The following ALDOB variants were observed in gnomAD, a reference collection of about 807,000 sequenced individuals.
ALDOB encodes the protein aldolase, fructose-bisphosphate B, also known as fructose-bisphosphate aldolase B.
Under a neutral mutation model 41.0 loss-of-function variants are expected in ALDOB, and 39 were observed. That is an observed-to-expected ratio of 0.95 (90% CI 0.74 to 1.24). ALDOB has a LOEUF of 1.24. ALDOB is among the 50% of genes most tolerant of loss of function. ALDOB has a pLI of 0.00. For missense variants in ALDOB, 530 were observed against 457.3 expected (o/e 1.16, Z -1.45); for synonymous variants, 175 against 168.8 (o/e 1.04, Z -0.28).
chr9:101,434,100 G>A (rs147167834), intron 1 of ALDOB, among the ~76,000 whole-genome samples: 11 of 152,178 alleles, frequency 7.2e-5, no homozygotes, highest in Middle Eastern at 3.4e-3. Flanking sequence ...TCTTTATCAC[G>A]CACTTTATTA....
intron 4 of ALDOB, among the ~76,000 whole-genome samples, chr9:101,428,229 T>G (rs1401218987): frequency 6.6e-6 from 1 of 152,232 alleles, no homozygotes; most frequent in Admixed American, 6.5e-5. Context: ...TTGTCTAAGT[T>G]AATCCCCACA....
chr9:101,426,795 TA>T (rs2118351792), intron 5 of ALDOB, among the ~76,000 whole-genome samples, 157 bp from the exon 6 acceptor site: 1 of 152,312 alleles, frequency 6.6e-6, no homozygotes, highest in South Asian at 2.1e-4. Context: ...CAGAATGAGA[TA>T]AAAAATAAAT....
At chr9:101,426,473 A>C in intron 6 of ALDOB, 82 bp downstream of exon 6, 1 of 876,850 alleles carries the variant, frequency 1.1e-6, no homozygotes, top group East Asian at 2.4e-5. Flanking sequence ...CAGATATAAC[A>C]GCTGTTATAT....
chr9:101,431,140 C>A (rs985117899), intron 1 of ALDOB, among the ~76,000 whole-genome samples: 7 of 152,212 alleles, frequency 4.6e-5, no homozygotes, highest in African/African-American at 1.4e-4. Context: ...TGCTTTCCAG[C>A]AGGCCTTTGG....
intron 8 of ALDOB, among the ~76,000 whole-genome samples, chr9:101,422,837 C>G (rs2118335873): frequency 6.6e-6 from 1 of 152,260 alleles, no homozygotes; most frequent in East Asian, 1.9e-4. Flanking sequence ...GATCATTATA[C>G]ATTATATGCA....
intron 8 of ALDOB, among the ~76,000 whole-genome samples, chr9:101,422,800 G>T (rs914904307): frequency 6.6e-6 from 1 of 152,158 alleles, no homozygotes; most frequent in African/African-American, 2.4e-5. Flanking sequence ...TAAATATTTG[G>T]AGTGAATACC....
At chr9:101,431,550 G>A (rs1831219896) in intron 1 of ALDOB, among the ~76,000 whole-genome samples, 1 of 152,186 alleles carries the variant, frequency 6.6e-6, no homozygotes, top group Non-Finnish European at 1.5e-5. Context: ...CACTGCCTAT[G>A]AGGATGCTAA....
At chr9:101,427,383 G>T in intron 5 of ALDOB, 99 bp downstream of exon 5, 1 of 1,451,032 alleles carries the variant, frequency 6.9e-7, no homozygotes, top group Non-Finnish European at 9.5e-7. Context: ...ACTGGTGAGG[G>T]AAAAGGAGGT....
At chr9:101,430,690 A>G in intron 2 of ALDOB, 86 bp downstream of exon 2, 1 of 1,056,652 alleles carries the variant, frequency 9.5e-7, no homozygotes, top group Admixed American at 1.9e-5. Context: ...CTTTACTTCC[A>G]TAAAGAATAT....
chr9:101,430,066 A>G, intron 2 of ALDOB, 100 bp from the exon 3 acceptor site: 1 of 1,086,856 alleles, frequency 9.2e-7, no homozygotes. Context: ...GTGGAAAGCA[A>G]GACTTTCTTT....
intron 1 of ALDOB, among the ~76,000 whole-genome samples, chr9:101,431,352 C>A (rs1216273593): frequency 6.6e-6 from 1 of 152,206 alleles, no homozygotes; most frequent in Non-Finnish European, 1.5e-5. Context: ...GTAGTTCCAA[C>A]AGATTATTCT....
rs1319760916 is a variant in ALDOB at position 101,425,481 on chromosome 9, G to A, written c.771C>T (p.Leu257=). Residue 257 remains leucine (L), a synonymous_variant, in exon 7 of 9, where the codon CTC becomes CTT. Coordinates refer to ENST00000647789, the MANE Select transcript of ALDOB (RefSeq NM_000035.4). ...GAACAGCTGCAGGAACAGTACGGTG[G>A]AGAGCTGTTACGGTGGCCATAGCTA... The part of the protein sequence containing the change: ...EQVAMATVTA[L]HRTVPAAVPG... 1.9e-6 allele frequency: 3 copies of A among 1,614,198 alleles called. No homozygotes were observed. Among genetic ancestry groups the A allele is most frequent in the South Asian group, 1.1e-5 (1 of 91,084 alleles).
At chr9:101,422,403 C>T (rs1588169194) in intron 8 of ALDOB, among the ~76,000 whole-genome samples, 2 of 152,122 alleles carry the variant, frequency 1.3e-5, no homozygotes, top group Admixed American at 6.5e-5. Context: ...TCAGTGGTAC[C>T]ACTTCTTCCA....
chr9:101,433,932 C>T (rs890975514), intron 1 of ALDOB, among the ~76,000 whole-genome samples: 2 of 141,404 alleles, frequency 1.4e-5, no homozygotes, highest in Non-Finnish European at 3.3e-5. Context: ...CCATGCCCAG[C>T]TATTTTTTTT....
chr9:101,423,926 A>C (rs1831086053), intron 8 of ALDOB, among the ~76,000 whole-genome samples: 1 of 152,158 alleles, frequency 6.6e-6, no homozygotes, highest in Non-Finnish European at 1.5e-5. Context: ...TTGAATAAAA[A>C]CTTTGTTGGT....
chr9:101,428,414 G>T, intron 4 of ALDOB, 55 bp downstream of exon 4: 1 of 1,506,410 alleles, frequency 6.6e-7, no homozygotes, highest in Non-Finnish European at 9.2e-7. Flanking sequence ...TTCTTTACTT[G>T]CCTTCATTTC....
rs1054937198 is a variant in ALDOB at position 101,421,386 on chromosome 9, T to C, written c.*423A>G. ...AAACCCGATAGCAGCTGAAGGTTTA[T>C]AGAATATTTATTTCTTTTTTGGTTG... On this transcript the variant is annotated 3_prime_UTR_variant, in exon 9 of 9. Coordinates refer to ENST00000647789, the MANE Select transcript of ALDOB (RefSeq NM_000035.4). 3.3e-6 allele frequency: 1 copy of C among 302,072 alleles called. No homozygotes were observed. The highest frequency in any genetic ancestry group is 8.4e-5 in the East Asian group (1 of 11,884). 18.7% of individuals were successfully genotyped at this position (302,072 alleles called of 1,614,324 possible).
rs1014228918 is a variant in ALDOB at position 101,424,916 on chromosome 9, C to T, written c.926G>A (p.Ser309Asn). Reference sequence around the variant, plus strand: ...CTTGCCACCCCAGGCAGCCAGTGCACTGGCCTGCAGGGCCCGTCCATAAGA... The same window carrying T: ...CTTGCCACCCCAGGCAGCCAGTGCATTGGCCTGCAGGGCCCGTCCATAAGA... ...SFSYGRALQA[S>N]ALAAWGGKAA... The change falls in exon 8 of 9, where the codon AGT becomes AAT. Residue 309 changes from serine to asparagine, a missense_variant. Transcript: ENST00000647789. The T allele has an allele frequency of 6.2e-7, 1 of 1,614,188 alleles. No individual in the cohort carries two copies. Among genetic ancestry groups the T allele is most frequent in the Admixed American group, 1.7e-5 (1 of 60,036 alleles).
intron 6 of ALDOB, 26 bp downstream of exon 6, chr9:101,426,529 T>C: frequency 1.4e-6 from 2 of 1,449,538 alleles, no homozygotes; most frequent in East Asian, 2.3e-5. Flanking sequence ...TCAACTAGAA[T>C]TGGGGCCTTC....
Sources: gnomAD v4.1 joint callset for allele counts (sites outside exome capture counted in the v4.1 genomes callset) on GRCh38, gnomAD v4.1.1 for gene constraint, MANE v1.5 for transcripts, NCBI Gene and HGNC (gene_info 2026-07-23, HGNC 2026-07-21) for gene names.